Variants in HERC3 observed in about 807,000 individuals in gnomAD.
HERC3 encodes the protein probable E3 ubiquitin-protein ligase HERC3.
HERC3 carries 58 observed loss-of-function variants against 129.9 expected under a neutral mutation model. The observed-to-expected ratio is 0.45, with a 90% CI of 0.36 to 0.56. The LOEUF is 0.56. Among genes scored for constraint, HERC3 ranks in the 20% least tolerant of loss-of-function variants. The probability of loss-of-function intolerance (pLI) is 0.00; values close to 1 mark genes in which losing one functional copy is unlikely to be tolerated. For missense variants in HERC3, 835 were observed against 1,244.2 expected (o/e 0.67, Z 4.95); for synonymous variants, 430 against 451.0 (o/e 0.95, Z 0.59).
intron 21 of HERC3, among the ~76,000 whole-genome samples, chr4:88,686,366 G>C (rs1341036161): frequency 6.6e-6 from 1 of 152,160 alleles, no homozygotes; most frequent in Non-Finnish European, 1.5e-5. Flanking sequence ...GCATAAGCCG[G>C]TGAAGCTGGC....
chr4:88,668,143 T>C, intron 14 of HERC3, 62 bp downstream of exon 14: 2 of 1,247,788 alleles, frequency 1.6e-6, no homozygotes, highest in Non-Finnish European at 2.3e-6. Flanking sequence ...GTGTGACTCC[T>C]GGCTCTCAGT....
rs1729882030 is a variant in HERC3 at position 88,656,219 on chromosome 4, A to G, written c.1069+184A>G. ...AGCTGTAGAGTTGAGATCCTAGAGA[A>G]TAAATAAAGCAGGAAATACTGTTGT... On this transcript the variant is annotated intron_variant, in intron 9 of 25. Coordinates refer to ENST00000402738, the MANE Select transcript of HERC3 (RefSeq NM_014606.3). The G allele has an allele frequency of 4.9e-6, 3 of 614,836 alleles. No homozygotes were observed. In the East Asian group the frequency reaches 8.3e-5, roughly 17 times the overall value. The allele number at this position is 614,836 out of a possible 1,614,324, so 38.1% of individuals were successfully genotyped here.
intron 3 of HERC3, among the ~76,000 whole-genome samples, chr4:88,648,066 G>A (rs1728890431): frequency 6.6e-6 from 1 of 152,042 alleles, no homozygotes; most frequent in African/African-American, 2.4e-5. Context: ...ATGATTGCAT[G>A]TACCATGATT....
chr4:88,614,812 C>T (rs978624728), intron 3 of HERC3, among the ~76,000 whole-genome samples: 2 of 152,146 alleles, frequency 1.3e-5, no homozygotes, highest in African/African-American at 4.8e-5. Context: ...ACTCTTACAA[C>T]ACAACAAATT....
intron 3 of HERC3, among the ~76,000 whole-genome samples, chr4:88,641,939 G>A (rs1728140166): frequency 6.6e-6 from 1 of 151,820 alleles, no homozygotes; most frequent in Admixed American, 6.6e-5. Context: ...CCAACATATT[G>A]TATTTTTAGT....
intron 3 of HERC3, among the ~76,000 whole-genome samples, chr4:88,630,728 A>G (rs950488884): frequency 6.6e-6 from 1 of 152,236 alleles, no homozygotes; most frequent in Non-Finnish European, 1.5e-5. Context: ...TAACAAAATT[A>G]TATATACTAC....
At chr4:88,620,984 A>G (rs1387541956) in intron 3 of HERC3, among the ~76,000 whole-genome samples, 1 of 152,028 alleles carries the variant, frequency 6.6e-6, no homozygotes, top group Non-Finnish European at 1.5e-5. Context: ...ATCTGATATT[A>G]TTCAGTCAGT....
chr4:88,549,434 A>G, the HERC3 span, among the ~76,000 whole-genome samples: 1 of 152,018 alleles, frequency 6.6e-6, no homozygotes, highest in African/African-American at 2.4e-5. Context: ...AGTACCCAAT[A>G]GGTAGTTTTT....
At chr4:88,673,726 C>T (rs1731856286) in intron 16 of HERC3, among the ~76,000 whole-genome samples, 1 of 152,120 alleles carries the variant, frequency 6.6e-6, no homozygotes, top group African/African-American at 2.4e-5. Flanking sequence ...CTAAAATATT[C>T]AGTATTCACA....
the HERC3 span, among the ~76,000 whole-genome samples, chr4:88,572,546 C>T: frequency 3.9e-5 from 6 of 152,130 alleles, no homozygotes; most frequent in East Asian, 5.8e-4. Flanking sequence ...TGTGGTGGCT[C>T]ACACCTGTAG....
chr4:88,537,463 A>G, the HERC3 span, among the ~76,000 whole-genome samples: 2 of 152,238 alleles, frequency 1.3e-5, no homozygotes, highest in Admixed American at 6.5e-5. Flanking sequence ...TTGCCAGGAT[A>G]CCACAGAAGT....
intron 3 of HERC3, among the ~76,000 whole-genome samples, chr4:88,624,607 A>G (rs1725890132): frequency 6.6e-6 from 1 of 152,236 alleles, no homozygotes; most frequent in Admixed American, 6.5e-5. Context: ...TGGTCAGTAT[A>G]CTGATCTTTT....
At chr4:88,634,586 C>T (rs935344769) in intron 3 of HERC3, among the ~76,000 whole-genome samples, 6 of 152,140 alleles carry the variant, frequency 3.9e-5, no homozygotes, top group Non-Finnish European at 7.4e-5. Flanking sequence ...CTGGGCAGCC[C>T]AGATGAGTGA....
chr4:88,581,212 G>A, the HERC3 span, among the ~76,000 whole-genome samples: 1 of 152,090 alleles, frequency 6.6e-6, no homozygotes, highest in Non-Finnish European at 1.5e-5. Flanking sequence ...TCTAGAGCCA[G>A]CTTGTAAAGA....
chr4:88,685,132 T>G (rs1266848070), intron 21 of HERC3, among the ~76,000 whole-genome samples: 1 of 152,208 alleles, frequency 6.6e-6, no homozygotes, highest in African/African-American at 2.4e-5. Context: ...AGGAATGCTT[T>G]TACACTGTTG....
the HERC3 span, among the ~76,000 whole-genome samples, chr4:88,547,212 T>A: frequency 6.6e-6 from 1 of 152,204 alleles, no homozygotes; most frequent in African/African-American, 2.4e-5. Context: ...TCTTAATTTT[T>A]ATTCTTTGCT....
rs759978341 is a variant in HERC3, at chr4:88,650,566, T to G, written c.386+567T>G. ...GCCACTAAGAGAACATCCCAAATAT[T>G]GAAGTTACTTTCAAATGGACTTTTT... On this transcript the variant is annotated intron_variant, in intron 4 of 25. Coordinates refer to ENST00000402738, the MANE Select transcript of HERC3 (RefSeq NM_014606.3). Among the ~76,000 whole-genome samples the G allele has an allele frequency of 3.5e-4, 53 of 152,336 alleles. 1 individual carries two copies. Among genetic ancestry groups the G allele is most frequent in the South Asian group, 1.9e-3 (9 of 4,828 alleles).
At chr4:88,616,822 G>A (rs1470355453) in intron 3 of HERC3, among the ~76,000 whole-genome samples, 1 of 152,124 alleles carries the variant, frequency 6.6e-6, no homozygotes, top group Non-Finnish European at 1.5e-5. Flanking sequence ...GATAGGCTAA[G>A]TCAGTAGCAC....
At chr4:88,537,618 A>G in the HERC3 span, among the ~76,000 whole-genome samples, 1 of 152,184 alleles carries the variant, frequency 6.6e-6, no homozygotes, top group African/African-American at 2.4e-5. Flanking sequence ...GCATACAGGG[A>G]TGAGGTTATA....
Sources: allele counts gnomAD v4.1 joint callset (sites outside exome capture counted in the v4.1 genomes callset), GRCh38; gene constraint gnomAD v4.1.1; transcripts MANE v1.5; gene names NCBI Gene and HGNC (gene_info 2026-07-23, HGNC 2026-07-21).